Variants in CDH6 observed in about 807,000 individuals in gnomAD.
CDH6 encodes cadherin 6, also known as cadherin-6.
A neutral mutation model predicts 78.0 loss-of-function variants in CDH6; 31 were observed. The observed-to-expected ratio is 0.40, with a 90% confidence interval of 0.30 to 0.54. The LOEUF (loss-of-function observed/expected upper bound fraction) is 0.54, where lower values mean the gene tolerates loss of function less well. CDH6 is among the 20% of genes least tolerant of loss of function. The pLI is 0.56. For synonymous variants in CDH6, 376 were observed against 368.8 expected (o/e 1.02, Z -0.23); for missense variants, 724 against 975.9 (o/e 0.74, Z 3.44).
At chr5:31,300,709 T>G (rs1454194558) in intron 5 of CDH6, among the ~76,000 whole-genome samples, 1 of 152,176 alleles carries the variant, frequency 6.6e-6, no homozygotes, top group Non-Finnish European at 1.5e-5. Context: ...CAGGAATTTG[T>G]AACTCACTCT....
At chr5:31,245,454 C>T (rs929170172) in intron 1 of CDH6, among the ~76,000 whole-genome samples, 2 of 151,822 alleles carry the variant, frequency 1.3e-5, no homozygotes, top group Admixed American at 6.6e-5. Context: ...CTGTCTTTCC[C>T]GTCAGCTTAC....
intron 1 of CDH6, among the ~76,000 whole-genome samples, chr5:31,237,512 T>G (rs977717513): frequency 2.6e-5 from 4 of 152,158 alleles, no homozygotes; most frequent in African/African-American, 9.7e-5. Flanking sequence ...GGAGGTTTAT[T>G]CCTCACCAAC....
intron 1 of CDH6, among the ~76,000 whole-genome samples, chr5:31,213,705 C>T (rs916984777): frequency 1.3e-5 from 2 of 152,126 alleles, no homozygotes; most frequent in African/African-American, 4.8e-5. Flanking sequence ...CTAAAAGGCT[C>T]TTAAATAATG....
At chr5:31,297,612 A>G (rs1459094915) in intron 4 of CDH6, among the ~76,000 whole-genome samples, 2 of 152,292 alleles carry the variant, frequency 1.3e-5, no homozygotes, top group East Asian at 3.9e-4. Context: ...CACCCTTTCT[A>G]TGGAGTAGAT....
At chr5:31,296,265 C>T (rs1291311788) in intron 3 of CDH6, among the ~76,000 whole-genome samples, 1 of 152,098 alleles carries the variant, frequency 6.6e-6, no homozygotes, top group Non-Finnish European at 1.5e-5. Context: ...TGATCTTAAT[C>T]CGAGACTCTT....
At chr5:31,284,846 C>G (rs1462281033) in intron 2 of CDH6, among the ~76,000 whole-genome samples, 1 of 151,618 alleles carries the variant, frequency 6.6e-6, no homozygotes, top group African/African-American at 2.4e-5. Flanking sequence ...CAAAAGCCCC[C>G]AAATTCCTCA....
At chr5:31,198,454 C>T (rs972079888) in intron 1 of CDH6, among the ~76,000 whole-genome samples, 36 of 152,136 alleles carry the variant, frequency 2.4e-4, no homozygotes, top group African/African-American at 8.4e-4. Context: ...GTGGGAGAAA[C>T]GACTTATGAA....
intron 1 of CDH6, among the ~76,000 whole-genome samples, chr5:31,237,673 TC>T: frequency 6.6e-6 from 1 of 152,146 alleles, no homozygotes; most frequent in Non-Finnish European, 1.5e-5. Context: ...ATGACCATTT[TC>T]CCCCCATTAT....
chr5:31,196,518 T>C (rs1373263095), intron 1 of CDH6, among the ~76,000 whole-genome samples: 1 of 152,184 alleles, frequency 6.6e-6, no homozygotes, highest in Non-Finnish European at 1.5e-5. Context: ...CTTTGAACTA[T>C]TCAAACTTTT....
rs76244274 is a variant in CDH6, at chr5:31,327,009, G to A, written c.*3701G>A. 5.6e-3 allele frequency: 977 copies of A among 175,040 alleles called. 14 individuals are homozygous for A. Among genetic ancestry groups the A allele is most frequent in the South Asian group, 0.043 (213 of 5,008 alleles). The allele number at this position is 175,040 out of a possible 1,614,324, so 10.8% of individuals were successfully genotyped here. A position where few individuals can be genotyped will look rare whatever the true frequency, so the allele number is the denominator to read the frequency against. ...GCGCCCGGCCTTAAAAATTGAATCT[G>A]TAGCTTAGGCCATCCAAATTTTATA... On this transcript the variant is annotated 3_prime_UTR_variant, in exon 12 of 12. Transcript: ENST00000265071.
At chr5:31,211,972 T>C (rs1740721034) in intron 1 of CDH6, among the ~76,000 whole-genome samples, 1 of 152,208 alleles carries the variant, frequency 6.6e-6, no homozygotes, top group African/African-American at 2.4e-5. Flanking sequence ...ACTAGCTGTA[T>C]GTGTGTGAAA....
chr5:31,264,746 A>T (rs1258900705), intron 1 of CDH6, among the ~76,000 whole-genome samples: 1 of 152,226 alleles, frequency 6.6e-6, no homozygotes, highest in Non-Finnish European at 1.5e-5. Context: ...TCAAGTTGAT[A>T]CAAAAAGAAC....
rs542202360 is a variant in CDH6 at position 31,325,036 on chromosome 5, T to C, written c.*1728T>C. 4.7e-6 allele frequency: 1 copy of C among 213,872 alleles called. No homozygotes were observed. The highest frequency in any genetic ancestry group is 9.4e-6 in the Non-Finnish European group (1 of 106,020). 13.2% of individuals were successfully genotyped at this position (213,872 alleles called of 1,614,324 possible). ...TAGTGTCATTTCCATTTGGGGATAT[T>C]GTCATATCAGCACATATTTTCTGTT... On this transcript the variant is annotated 3_prime_UTR_variant, in exon 12 of 12. Coordinates refer to ENST00000265071, the MANE Select transcript of CDH6 (RefSeq NM_004932.4).
Position 31,302,775 on chromosome 5 carries a change from AGAAAGAG to A in CDH6, c.999+478_999+484del, listed in dbSNP as rs1561065750. Among the ~76,000 whole-genome samples, 350 of 89,172 alleles carry A rather than the reference AGAAAGAG, an allele frequency of 3.9e-3. 10 individuals are homozygous for A. Among genetic ancestry groups the A allele is most frequent in the South Asian group, 7.2e-3 (17 of 2,364 alleles). 58.5% of individuals were successfully genotyped at this position (89,172 alleles called of 152,430 possible). On this transcript the variant is annotated intron_variant, in intron 6 of 11. Coordinates refer to ENST00000265071, the MANE Select transcript of CDH6 (RefSeq NM_004932.4). Reference sequence around the variant, plus strand: ...GGAGAAAGAAAGAAAGAAAGAAAGAAGAAAGAGAGAGAGAGAGAGAGAGAGAAAGAAA... The same window carrying A: ...GGAGAAAGAAAGAAAGAAAGAAAGAAAGAGAGAGAGAGAGAGAGAAAGAAA...
chr5:31,304,819 C>T (rs1339355015), intron 6 of CDH6, among the ~76,000 whole-genome samples: 8 of 151,888 alleles, frequency 5.3e-5, no homozygotes, highest in African/African-American at 1.7e-4. Flanking sequence ...AGTGTGGGCT[C>T]TACCAGACTC....
At chr5:31,308,465 A>G (rs765486637) in intron 7 of CDH6, among the ~76,000 whole-genome samples, 1 of 150,482 alleles carries the variant, frequency 6.6e-6, no homozygotes, top group Admixed American at 6.6e-5. Context: ...TAGCAGAAGG[A>G]TCTGCTATGA....
chr5:31,234,166 GT>G (rs376648992), intron 1 of CDH6, among the ~76,000 whole-genome samples: 2,870 of 151,872 alleles, frequency 0.019, 36 homozygotes, highest in Non-Finnish European at 0.029. Flanking sequence ...GTATTTAAAG[GT>G]TTTTTTTATT....
intron 1 of CDH6, among the ~76,000 whole-genome samples, chr5:31,253,272 C>A (rs1741958156): frequency 6.6e-6 from 1 of 152,206 alleles, no homozygotes; most frequent in Middle Eastern, 3.2e-3. Context: ...ATCATGGGGG[C>A]AGTTACCCTC....
intron 1 of CDH6, among the ~76,000 whole-genome samples, chr5:31,248,401 G>T (rs1183624219): frequency 1.3e-5 from 2 of 152,114 alleles, no homozygotes; most frequent in African/African-American, 4.8e-5. Context: ...AACTTATCAG[G>T]CGTCTTAATT....
Sources: gnomAD v4.1 joint callset for allele counts (sites outside exome capture counted in the v4.1 genomes callset) on GRCh38, gnomAD v4.1.1 for gene constraint, MANE v1.5 for transcripts, NCBI Gene and HGNC (gene_info 2026-07-23, HGNC 2026-07-21) for gene names.